MYH3: variants seen among roughly 807,000 people sequenced by gnomAD.
MYH3 encodes myosin-3.
A neutral mutation model predicts 238.0 loss-of-function variants in MYH3; 130 were observed. That is an observed-to-expected ratio of 0.55 (90% CI 0.47 to 0.63). MYH3 has a LOEUF of 0.63. Among genes scored for constraint, MYH3 ranks in the 30% least tolerant of loss-of-function variants. The pLI is 0.00. For synonymous variants in MYH3, 880 were observed against 924.1 expected (o/e 0.95, Z 0.86); for missense variants, 1,853 against 2,374.9 (o/e 0.78, Z 4.57).
chr17:10,641,054 C>T (rs1289085263), intron 19 of MYH3, 31 bp downstream of exon 19: 1 of 1,484,230 alleles, frequency 6.7e-7, no homozygotes, highest in East Asian at 2.3e-5. Context: ...ACATCTCATC[C>T]CCAAGCATAT....
chr17:10,671,922 C>T, the MYH3 span, among the ~76,000 whole-genome samples: 2 of 152,120 alleles, frequency 1.3e-5, no homozygotes, highest in South Asian at 2.1e-4. Flanking sequence ...TCTTTTATTT[C>T]CTTATGAATT....
chr17:10,652,901 G>C (rs1293469007), intron 3 of MYH3, among the ~76,000 whole-genome samples: 1 of 152,066 alleles, frequency 6.6e-6, no homozygotes, highest in African/African-American at 2.4e-5. Context: ...GATTACAGGT[G>C]TGAGGCACCG....
chr17:10,646,606 G>T (rs1008267019), intron 10 of MYH3, among the ~76,000 whole-genome samples: 5 of 152,182 alleles, frequency 3.3e-5, no homozygotes, highest in African/African-American at 1.2e-4. Context: ...ACACAAGGGG[G>T]CGCCAAAGGA....
At chr17:10,630,002 G>A (rs1432396968) in intron 38 of MYH3, 65 bp from the exon 39 acceptor site, 1 of 1,603,580 alleles carries the variant, frequency 6.2e-7, no homozygotes, top group Non-Finnish European at 8.5e-7. Context: ...GGCATGGGCA[G>A]CTTTCTGGGC....
intron 36 of MYH3, 151 bp downstream of exon 36, chr17:10,631,460 G>T (rs2074156029): frequency 2.8e-6 from 3 of 1,083,548 alleles, no homozygotes; most frequent in Admixed American, 2.0e-5. Context: ...GTGCAGGAGG[G>T]AACAGGGGAG....
chr17:10,636,520 G>A (rs921788898), intron 28 of MYH3, among the ~76,000 whole-genome samples: 1 of 152,094 alleles, frequency 6.6e-6, no homozygotes, highest in South Asian at 2.1e-4. Flanking sequence ...AGACTCTTGG[G>A]GGAATAGGGT....
chr17:10,653,911 C>T (rs2074402439), intron 3 of MYH3, among the ~76,000 whole-genome samples: 1 of 152,186 alleles, frequency 6.6e-6, no homozygotes, highest in African/African-American at 2.4e-5. Context: ...TGGAAATACA[C>T]AGAGAGCCAC....
chr17:10,647,638 G>A (rs1031858855), intron 8 of MYH3, among the ~76,000 whole-genome samples: 5 of 152,132 alleles, frequency 3.3e-5, no homozygotes, highest in African/African-American at 9.7e-5. Flanking sequence ...TCTGCCTCCC[G>A]GGTTCAAGTG....
the MYH3 span, among the ~76,000 whole-genome samples, chr17:10,666,983 T>C: frequency 6.6e-6 from 1 of 152,182 alleles, no homozygotes; most frequent in Non-Finnish European, 1.5e-5. Context: ...GAAAAATGCT[T>C]ACCTTTCCCT....
At position 10,651,675 on chromosome 17, in the gene MYH3, G is replaced by A. The variant is rs114366800; in HGVS notation, c.349-7C>T. 2.2e-3 allele frequency: 3,591 copies of A among 1,613,902 alleles called. 70 individuals are homozygous for A. In the African/African-American group the frequency reaches 0.041, roughly 18 times the overall value. On this transcript the variant is annotated splice_region_variant and splice_polypyrimidine_tract_variant and intron_variant, in intron 4 of 40. Transcript: ENST00000583535. The stretch of plus-strand genomic sequence containing the variant: ...AGAAGAGGCCTGAGTAGGTCTGTGG[G>A]AGGAAAAACATATACGTGCGTATAT...
chr17:10,632,913 T>G lies in MYH3; in HGVS notation c.4648-129A>C. 5.2e-6 allele frequency: 6 copies of G among 1,145,660 alleles called. No individual in the cohort carries two copies. In the South Asian group the frequency reaches 7.6e-5, roughly 15 times the overall value. 71.0% of individuals were successfully genotyped at this position (1,145,660 alleles called of 1,614,324 possible). A position where few individuals can be genotyped will look rare whatever the true frequency, so the allele number is the denominator to read the frequency against. On this transcript the variant is annotated intron_variant, in intron 33 of 40. Coordinates refer to ENST00000583535, the MANE Select transcript of MYH3 (RefSeq NM_002470.4). ...TCCTACAATAGTCACAATTCACTTT[T>G]TAAATGTCCCCAAATTGGCCGGGTG...
rs2142411053 is a variant in MYH3 at position 10,645,918 on chromosome 17, G to C, written c.1002+11C>G. ...GGAGGAACACCCACCCCTTCTGTTGGTTCCACTTACGTCTGTAGCCAGCAG... is the reference window on the plus strand; with the variant it reads ...GGAGGAACACCCACCCCTTCTGTTGCTTCCACTTACGTCTGTAGCCAGCAG... On this transcript the variant is annotated intron_variant, in intron 11 of 40. Coordinates refer to ENST00000583535, the MANE Select transcript of MYH3 (RefSeq NM_002470.4). The C allele has an allele frequency of 6.2e-7, 1 of 1,613,774 alleles. No homozygotes were observed. Among genetic ancestry groups the C allele is most frequent in the Non-Finnish European group, 8.5e-7 (1 of 1,179,784 alleles).
intron 6 of MYH3, 71 bp downstream of exon 6, chr17:10,650,303 A>T (rs2142420236): frequency 1.3e-6 from 2 of 1,494,750 alleles, no homozygotes; most frequent in Non-Finnish European, 1.9e-6. Flanking sequence ...ACTCTGCTCC[A>T]AACACTTTCT....
chr17:10,641,030 A>G, intron 19 of MYH3, 55 bp downstream of exon 19: 1 of 1,334,020 alleles, frequency 7.5e-7, no homozygotes, highest in Non-Finnish European at 1.1e-6. Context: ...TCCCTCTCAA[A>G]TTCCAGTGTT....
rs542206548 is a variant in MYH3, at chr17:10,650,025, G to A, written c.534-340C>T. 2.0e-5 allele frequency among the ~76,000 whole-genome samples: 3 copies of A among 152,182 alleles called. No individual in the cohort carries two copies. In the East Asian group the frequency reaches 5.8e-4, roughly 29 times the overall value. On this transcript the variant is annotated intron_variant, in intron 6 of 40. Transcript: ENST00000583535. ...CTCACTCTGCTGCCCAGGCTGGAGT[G>A]CAGTGGCGCGATCTCGGCTCACTGC...
Position 10,642,276 on chromosome 17 carries a change from C to T in MYH3, c.1923G>A (p.Lys641=), listed in dbSNP as rs1312171319. Residue 641 remains lysine (K), a synonymous_variant, in exon 17 of 41, where the codon AAG becomes AAA. Coordinates refer to ENST00000583535, the MANE Select transcript of MYH3 (RefSeq NM_002470.4). The surrounding 1 kb of genome is among the most constrained non-coding windows in gnomAD (Gnocchi z 5.4). ...CAGAGACAGTTTGGAAGGAAGAACC[C>T]TTCTTCTTGGCAACTTTCTTCTTTC... The part of the protein sequence containing the change: ...DSGKKKVAKK[K]GSSFQTVSAL... The T allele has an allele frequency of 6.8e-6, 11 of 1,613,902 alleles. No homozygotes were observed. The South Asian group carries it at 1.2e-4, about 18-fold the overall frequency.
At chr17:10,677,526 G>C in the MYH3 span, 7 of 152,204 alleles carry the variant, frequency 4.6e-5, no homozygotes, top group South Asian at 1.4e-3. Context: ...ATAAATTTAA[G>C]AACAATAAAA....
intron 17 of MYH3, 108 bp from the exon 18 acceptor site, chr17:10,641,480 A>G: frequency 1.2e-6 from 1 of 867,302 alleles, no homozygotes; most frequent in Non-Finnish European, 1.9e-6. Context: ...CATAAGTTCT[A>G]AAGTATAGTG....
intron 9 of MYH3, 30 bp from the exon 10 acceptor site, chr17:10,647,310 A>T (rs777690101): frequency 6.2e-7 from 1 of 1,613,748 alleles, no homozygotes; most frequent in Non-Finnish European, 8.5e-7. Flanking sequence ...CTCTCTTTCA[A>T]ACTGTTCCCA....
Sources: gnomAD v4.1 joint callset for allele counts (sites outside exome capture counted in the v4.1 genomes callset) on GRCh38, gnomAD v4.1.1 for gene constraint, Gnocchi (gnomAD v3.1) non-coding constraint, MANE v1.5 for transcripts, NCBI Gene and HGNC (gene_info 2026-07-23, HGNC 2026-07-21) for gene names.